Variants in ZNF385D observed in about 807,000 individuals in gnomAD.
The protein encoded by ZNF385D is zinc finger protein 659.
ZNF385D carries 15 observed loss-of-function variants against 35.8 expected under a neutral mutation model. The ratio of observed to expected loss-of-function variants is 0.42; its 90% CI spans 0.28 to 0.64. The LOEUF is 0.64. ZNF385D is among the 30% of genes least tolerant of loss of function. The pLI is 0.23. For missense variants in ZNF385D, 474 were observed against 494.6 expected (o/e 0.96, Z 0.39); for synonymous variants, 212 against 186.8 (o/e 1.13, Z -1.10).
chr3:21,859,958 A>C (rs550123210), intron 3 of ZNF385D, among the ~76,000 whole-genome samples: 1 of 152,178 alleles, frequency 6.6e-6, no homozygotes, highest in African/African-American at 2.4e-5. Context: ...ATGGGGAAAT[A>C]ATTTCAGACA....
At chr3:21,759,601 T>G (rs1436967098) in intron 3 of ZNF385D, among the ~76,000 whole-genome samples, 2 of 152,168 alleles carry the variant, frequency 1.3e-5, no homozygotes, top group Non-Finnish European at 2.9e-5. Context: ...ATACATCTTG[T>G]GTAGCAGGCT....
intron 3 of ZNF385D, among the ~76,000 whole-genome samples, chr3:21,991,774 C>A (rs1695166904): frequency 6.6e-6 from 1 of 152,180 alleles, no homozygotes; most frequent in Admixed American, 6.5e-5. Flanking sequence ...ACTGTTGGGT[C>A]AGTCAGTCAT....
At chr3:21,673,296 C>G (rs1005607824) in intron 1 of ZNF385D, among the ~76,000 whole-genome samples, 2 of 152,120 alleles carry the variant, frequency 1.3e-5, no homozygotes, top group African/African-American at 4.8e-5. Context: ...GCATTTCAAA[C>G]GTCTGATAGC....
At chr3:21,587,499 T>C (rs1364303939) in intron 2 of ZNF385D, among the ~76,000 whole-genome samples, 1 of 152,174 alleles carries the variant, frequency 6.6e-6, no homozygotes, top group African/African-American at 2.4e-5. Flanking sequence ...CAGACCATCA[T>C]ATGAATAAAG....
chr3:22,229,870 C>T (rs1439498962), intron 2 of ZNF385D, among the ~76,000 whole-genome samples: 1 of 152,172 alleles, frequency 6.6e-6, no homozygotes, highest in African/African-American at 2.4e-5. Flanking sequence ...GGTTTAGCCC[C>T]TCTCTCTGCC....
chr3:21,701,809 C>A (rs2067694022), intron 1 of ZNF385D, among the ~76,000 whole-genome samples: 1 of 152,134 alleles, frequency 6.6e-6, no homozygotes, highest in Non-Finnish European at 1.5e-5. Context: ...TCCAGCAGGG[C>A]AGTCAAATTT....
intron 2 of ZNF385D, among the ~76,000 whole-genome samples, chr3:21,569,802 G>GC (rs2063271824): frequency 6.7e-6 from 1 of 149,520 alleles, no homozygotes; most frequent in African/African-American, 2.5e-5. Context: ...GTAAACTATC[G>GC]CAAGGACAAA....
At chr3:22,307,179 T>C (rs1030113827) in intron 2 of ZNF385D, among the ~76,000 whole-genome samples, 4 of 152,068 alleles carry the variant, frequency 2.6e-5, no homozygotes, top group African/African-American at 4.8e-5. Context: ...ACCAATGAAA[T>C]TGACTCAGAA....
intron 3 of ZNF385D, among the ~76,000 whole-genome samples, chr3:21,993,049 G>T (rs1026053232): frequency 6.6e-6 from 1 of 152,112 alleles, no homozygotes. Context: ...TGCCAATCCT[G>T]AATCTGATCT....
At chr3:21,540,170 T>C (rs2062138148) in intron 3 of ZNF385D, among the ~76,000 whole-genome samples, 1 of 152,172 alleles carries the variant, frequency 6.6e-6, no homozygotes, top group Non-Finnish European at 1.5e-5. Context: ...AAAAATACAA[T>C]AGATTATAAG....
intron 3 of ZNF385D, among the ~76,000 whole-genome samples, chr3:21,810,771 G>C (rs1027714515): frequency 4.0e-5 from 6 of 151,818 alleles, no homozygotes; most frequent in African/African-American, 9.7e-5. Flanking sequence ...TATGAAGCTG[G>C]AGACATCCCT....
intron 1 of ZNF385D, among the ~76,000 whole-genome samples, chr3:21,709,953 T>C (rs12638812): frequency 0.22 from 33,196 of 152,132 alleles, 4,408 homozygotes; most frequent in East Asian, 0.43. Context: ...GGAATTCTTC[T>C]TAGCAATAAA....
At chr3:22,130,826 T>C (rs964034575) in intron 3 of ZNF385D, among the ~76,000 whole-genome samples, 1 of 152,144 alleles carries the variant, frequency 6.6e-6, no homozygotes, top group Non-Finnish European at 1.5e-5. Flanking sequence ...CTTCTGTGGA[T>C]AGTTGTTCAA....
intron 3 of ZNF385D, among the ~76,000 whole-genome samples, chr3:22,017,823 T>A (rs559161479): frequency 6.6e-6 from 1 of 152,096 alleles, no homozygotes; most frequent in African/African-American, 2.4e-5. Flanking sequence ...AAGCTGTCTA[T>A]ACATATTTGG....
At chr3:22,194,893 C>T (rs924212298) in intron 2 of ZNF385D, among the ~76,000 whole-genome samples, 3 of 151,788 alleles carry the variant, frequency 2.0e-5, no homozygotes, top group African/African-American at 7.2e-5. Context: ...ATTCATTCAC[C>T]CCTTGAAGGA....
rs907942533 is a variant in ZNF385D at position 21,683,180 on chromosome 3, C to A, written c.23-18152G>T. 1.3e-4 allele frequency among the ~76,000 whole-genome samples: 20 copies of A among 149,764 alleles called. 1 individual carries two copies. Among genetic ancestry groups the A allele is most frequent in the African/African-American group, 4.9e-4 (20 of 40,650 alleles). On this transcript the variant is annotated intron_variant, in intron 1 of 7. Transcript: ENST00000281523. ...AGAACACAAATGATAAACCTAAAGTCCAGTTAAGGATGTGTGTCTCTAGGC... is the reference window on the plus strand; with the variant it reads ...AGAACACAAATGATAAACCTAAAGTACAGTTAAGGATGTGTGTCTCTAGGC...
At chr3:22,013,639 G>C (rs1696709882) in intron 3 of ZNF385D, among the ~76,000 whole-genome samples, 1 of 152,158 alleles carries the variant, frequency 6.6e-6, no homozygotes, top group Non-Finnish European at 1.5e-5. Context: ...ACTTAATTAA[G>C]AAGGTGATTA....
At chr3:21,452,991 A>C (rs768876981) in intron 4 of ZNF385D, among the ~76,000 whole-genome samples, 1 of 152,046 alleles carries the variant, frequency 6.6e-6, no homozygotes, top group Non-Finnish European at 1.5e-5. Context: ...AAAAAGTTAC[A>C]GTAATAAAAA....
chr3:21,929,631 A>T (rs746132935), intron 3 of ZNF385D, among the ~76,000 whole-genome samples: 1 of 152,134 alleles, frequency 6.6e-6, no homozygotes, highest in Non-Finnish European at 1.5e-5. Context: ...ATCAACATAT[A>T]AAAAATCAAT....
Sources: gnomAD v4.1 joint callset for allele counts (sites outside exome capture counted in the v4.1 genomes callset) on GRCh38, gnomAD v4.1.1 for gene constraint, MANE v1.5 for transcripts, NCBI Gene and HGNC (gene_info 2026-07-23, HGNC 2026-07-21) for gene names.